ANKS1B: variants seen among roughly 807,000 people sequenced by gnomAD.
ANKS1B encodes the protein ankyrin repeat and sterile alpha motif domain-containing protein 1B.
A neutral mutation model predicts 148.3 loss-of-function variants in ANKS1B; 36 were observed. The observed-to-expected ratio is 0.24, with a 90% CI of 0.19 to 0.32. The LOEUF (loss-of-function observed/expected upper bound fraction) is 0.32. Among genes scored for constraint, ANKS1B ranks in the 10% least tolerant of loss-of-function variants. The pLI is 1.00. For synonymous variants in ANKS1B, 542 were observed against 560.8 expected (o/e 0.97, Z 0.47); for missense variants, 1,157 against 1,542.6 (o/e 0.75, Z 4.19).
At chr12:99,401,205 G>C (rs2094394665) in intron 11 of ANKS1B, among the ~76,000 whole-genome samples, 1 of 146,072 alleles carries the variant, frequency 6.8e-6, no homozygotes, top group Admixed American at 6.8e-5. Flanking sequence ...CAAAAGATCA[G>C]GGTTTAATGT....
At chr12:99,639,891 G>A (rs2098283586) in intron 9 of ANKS1B, among the ~76,000 whole-genome samples, 1 of 152,166 alleles carries the variant, frequency 6.6e-6, no homozygotes. Context: ...GGTCAGATAG[G>A]CTGGGCATGG....
At chr12:99,575,785 T>C (rs1247392799) in intron 9 of ANKS1B, among the ~76,000 whole-genome samples, 1 of 151,876 alleles carries the variant, frequency 6.6e-6, no homozygotes, top group Non-Finnish European at 1.5e-5. Flanking sequence ...TCAAGTACTT[T>C]CCACCAAAAA....
Position 99,744,302 on chromosome 12 carries a change from T to C in ANKS1B, c.1128+28620A>G, listed in dbSNP as rs148064698. 4.6e-3 allele frequency among the ~76,000 whole-genome samples: 697 copies of C among 152,350 alleles called. 5 individuals carry two copies. Among genetic ancestry groups the C allele is most frequent in the Middle Eastern group, 0.01 (3 of 294 alleles). ...TAAGTCAATGTAATATTTTTCAATATACACTAAATAGTATAGAATTTGGTG... is the reference window on the plus strand; with the variant it reads ...TAAGTCAATGTAATATTTTTCAATACACACTAAATAGTATAGAATTTGGTG... On this transcript the variant is annotated intron_variant, in intron 8 of 26. Transcript: ENST00000683438.
At chr12:99,508,112 T>G (rs373343010) in intron 9 of ANKS1B, among the ~76,000 whole-genome samples, 80 of 152,042 alleles carry the variant, frequency 5.3e-4, no homozygotes, top group African/African-American at 1.7e-3. Flanking sequence ...CTGTGATTTT[T>G]CTCAATCAAG....
intron 25 of ANKS1B, among the ~76,000 whole-genome samples, chr12:98,756,248 T>C (rs2098238664): frequency 1.3e-5 from 2 of 152,128 alleles, no homozygotes; most frequent in African/African-American, 4.8e-5. Flanking sequence ...GCTGTTCTTG[T>C]GATAGTGAAT....
At chr12:99,660,363 C>CTTTTTTTTTTTTTT (rs71088137) in intron 8 of ANKS1B, among the ~76,000 whole-genome samples, 6 of 120,586 alleles carry the variant, frequency 5.0e-5, no homozygotes, top group Non-Finnish European at 6.6e-5. Flanking sequence ...TTTTCTTTTT[C>CTTTTTTTTTTTTTT]TTTTTTTTTT....
intron 14 of ANKS1B, among the ~76,000 whole-genome samples, chr12:99,179,029 C>A (rs540798554): frequency 1.3e-3 from 204 of 152,224 alleles, no homozygotes; most frequent in African/African-American, 4.8e-3. Context: ...ATAAAATAAA[C>A]CTTGGCTATA....
intron 1 of ANKS1B, among the ~76,000 whole-genome samples, chr12:99,961,228 CAA>C (rs920085323): frequency 1.1e-5 from 1 of 94,652 alleles, no homozygotes; most frequent in African/African-American, 5.5e-5. Context: ...GACTCCCTCT[CAA>C]AAAAAACAAA....
chr12:99,491,225 AAC>A (rs1442880022), intron 10 of ANKS1B, among the ~76,000 whole-genome samples: 37 of 152,230 alleles, frequency 2.4e-4, no homozygotes, highest in African/African-American at 8.7e-4. Context: ...GAATGGCGTG[AAC>A]CTGGGAGGCG....
chr12:99,066,150 T>C (rs544112985), intron 16 of ANKS1B, among the ~76,000 whole-genome samples: 2 of 152,102 alleles, frequency 1.3e-5, no homozygotes, highest in Non-Finnish European at 2.9e-5. Flanking sequence ...ACTCTATCGC[T>C]ACTAAAATAC....
chr12:98,894,911 G>A (rs930729903), intron 17 of ANKS1B: 3 of 905,728 alleles, frequency 3.3e-6, no homozygotes, highest in Admixed American at 6.8e-5. Flanking sequence ...CCCGCCCCCC[G>A]CGCGGCGCGT....
chr12:99,646,572 T>C (rs1176996075), intron 9 of ANKS1B, among the ~76,000 whole-genome samples: 2 of 143,794 alleles, frequency 1.4e-5, no homozygotes, highest in Non-Finnish European at 3.0e-5. Context: ...GAGAATCACT[T>C]GAACCCAGGA....
chr12:99,025,533 T>C (rs1310145442), intron 17 of ANKS1B, among the ~76,000 whole-genome samples: 1 of 152,196 alleles, frequency 6.6e-6, no homozygotes, highest in Non-Finnish European at 1.5e-5. Flanking sequence ...TGCTTTTTCA[T>C]GTGGTATTTA....
chr12:98,996,773 A>G (rs1031664552), intron 17 of ANKS1B, among the ~76,000 whole-genome samples: 2 of 134,330 alleles, frequency 1.5e-5, no homozygotes, highest in African/African-American at 5.7e-5. Context: ...AGATCCCACC[A>G]CTGCACTCCA....
At chr12:99,240,713 C>T (rs2089127948) in intron 14 of ANKS1B, among the ~76,000 whole-genome samples, 1 of 152,196 alleles carries the variant, frequency 6.6e-6, no homozygotes, top group Admixed American at 6.5e-5. Context: ...AACCACAGTG[C>T]AATCAAATTA....
intron 8 of ANKS1B, among the ~76,000 whole-genome samples, chr12:99,721,923 T>C (rs2058127776): frequency 6.6e-6 from 1 of 152,230 alleles, no homozygotes; most frequent in Admixed American, 6.5e-5. Flanking sequence ...GGAAACAGCC[T>C]GAATGCTGAT....
At chr12:99,541,496 A>G (rs1384124397) in intron 9 of ANKS1B, among the ~76,000 whole-genome samples, 1 of 152,168 alleles carries the variant, frequency 6.6e-6, no homozygotes, top group Non-Finnish European at 1.5e-5. Context: ...ATCATACACT[A>G]TATTAATAGA....
intron 1 of ANKS1B, among the ~76,000 whole-genome samples, chr12:99,837,099 AAG>A (rs760184348): frequency 5.3e-5 from 8 of 152,162 alleles, no homozygotes; most frequent in Non-Finnish European, 7.3e-5. Flanking sequence ...AGGGAAATGG[AAG>A]AGTCAGAATC....
intron 17 of ANKS1B, among the ~76,000 whole-genome samples, chr12:98,884,648 A>C (rs1596233855): frequency 1.3e-5 from 2 of 149,696 alleles, no homozygotes; most frequent in African/African-American, 5.0e-5. Context: ...AAATACAAAA[A>C]ATTAGCCGGG....
Sources: gnomAD v4.1 joint callset for allele counts (sites outside exome capture counted in the v4.1 genomes callset) on GRCh38, gnomAD v4.1.1 for gene constraint, MANE v1.5 for transcripts, NCBI Gene and HGNC (gene_info 2026-07-23, HGNC 2026-07-21) for gene names.